MB21D2: variants seen among roughly 807,000 people sequenced by gnomAD.
The protein encoded by MB21D2 is Mab-21 domain containing 2.
In MB21D2, 9 loss-of-function variants were observed where a neutral mutation model predicts 33.3. The observed-to-expected ratio is 0.27, with a 90% CI of 0.16 to 0.47. The LOEUF (loss-of-function observed/expected upper bound fraction) is 0.47, where lower values mean the gene tolerates loss of function less well. Ranked by LOEUF, MB21D2 falls within the 20% of genes least tolerant of loss-of-function variation. The pLI, the probability that MB21D2 is intolerant of heterozygous loss-of-function variation, is 0.99. For synonymous variants in MB21D2, 241 were observed against 236.3 expected (o/e 1.02, Z -0.18); for missense variants, 540 against 624.6 (o/e 0.86, Z 1.44).
chr3:192,887,591 T>C (rs1052356329), intron 1 of MB21D2, among the ~76,000 whole-genome samples: 1 of 152,092 alleles, frequency 6.6e-6, no homozygotes, highest in African/African-American at 2.4e-5. Flanking sequence ...GGGTAGAGGT[T>C]ACAGAAAAAA....
At chr3:192,873,890 C>T (rs1713373654) in intron 1 of MB21D2, among the ~76,000 whole-genome samples, 2 of 152,082 alleles carry the variant, frequency 1.3e-5, no homozygotes, top group South Asian at 2.1e-4. Context: ...TTAGTAGAGA[C>T]AGGGTTTCAC....
intron 1 of MB21D2, among the ~76,000 whole-genome samples, chr3:192,904,333 G>T (rs892971363): frequency 6.6e-6 from 1 of 152,138 alleles, no homozygotes; most frequent in Non-Finnish European, 1.5e-5. Context: ...GGCTGCAAAA[G>T]AACTTTCCTG....
At position 192,884,196 on chromosome 3, in the gene MB21D2, T is replaced by A. The variant is rs140007868; in HGVS notation, c.211+33434A>T. On this transcript the variant is annotated intron_variant, in intron 1 of 1. Transcript: ENST00000392452. ...ACTGCATTTTCCTGCATTTCCTTCATTACTATTGTTTACATTCTAAACCTA... is the reference window on the plus strand; with the variant it reads ...ACTGCATTTTCCTGCATTTCCTTCAATACTATTGTTTACATTCTAAACCTA... Among the ~76,000 whole-genome samples, 14 of 152,250 alleles carry A rather than the reference T, an allele frequency of 9.2e-5. 1 individual carries two copies. In the East Asian group the frequency reaches 2.7e-3, roughly 29 times the overall value.
chr3:192,889,333 C>T (rs1713801832), intron 1 of MB21D2, among the ~76,000 whole-genome samples: 1 of 151,970 alleles, frequency 6.6e-6, no homozygotes, highest in Non-Finnish European at 1.5e-5. Context: ...TGAGAACAGA[C>T]TGGTGAGTAG....
At chr3:192,899,835 G>GGCTGACTGAGCTCATGTGTGGTAGTGTT (rs1242665232) in intron 1 of MB21D2, among the ~76,000 whole-genome samples, 1 of 152,234 alleles carries the variant, frequency 6.6e-6, no homozygotes, top group Non-Finnish European at 1.5e-5. Context: ...GTGGTAGTGT[G>GGCTGACTGAGCTCATGTGTGGTAGTGTT]GCTGACTGAG....
intron 1 of MB21D2, among the ~76,000 whole-genome samples, chr3:192,808,658 A>G (rs529799892): frequency 6.6e-6 from 1 of 152,332 alleles, no homozygotes; most frequent in Non-Finnish European, 1.5e-5. Flanking sequence ...GTGGCTGCCC[A>G]TCCCAAGAAC....
At chr3:192,802,379 T>C (rs1577165913) in intron 1 of MB21D2, among the ~76,000 whole-genome samples, 1 of 152,086 alleles carries the variant, frequency 6.6e-6, no homozygotes, top group African/African-American at 2.4e-5. Flanking sequence ...TAACTCCATT[T>C]CAGAGGCTGC....
Position 192,917,614 on chromosome 3 carries a change from CCT to C in MB21D2, c.211+14_211+15del, listed in dbSNP as rs1491168093. 12 of 1,613,362 alleles carry C rather than the reference CCT, an allele frequency of 7.4e-6. No individual in the cohort carries two copies. The highest frequency in any genetic ancestry group is 1.0e-5 in the Non-Finnish European group (12 of 1,179,554). ...ACACACACACGCACACACACCTCCC[CCT>C]TTTTCCTCCTTACCCAGCATGGAAA... On this transcript the variant is annotated intron_variant, in intron 1 of 1. Coordinates refer to ENST00000392452, the MANE Select transcript of MB21D2 (RefSeq NM_178496.4).
intron 1 of MB21D2, among the ~76,000 whole-genome samples, chr3:192,868,545 C>T (rs1713218096): frequency 6.6e-6 from 1 of 151,994 alleles, no homozygotes; most frequent in African/African-American, 2.4e-5. Flanking sequence ...TGCTGACACC[C>T]CTGCTACTTA....
intron 1 of MB21D2, among the ~76,000 whole-genome samples, chr3:192,871,941 T>C (rs1346162379): frequency 1.3e-5 from 2 of 152,146 alleles, no homozygotes; most frequent in Non-Finnish European, 2.9e-5. Context: ...CATCACGTGG[T>C]GCTGAAACAG....
chr3:192,827,623 A>C (rs1012372858), intron 1 of MB21D2, among the ~76,000 whole-genome samples: 4 of 152,136 alleles, frequency 2.6e-5, no homozygotes, highest in African/African-American at 9.7e-5. Context: ...GGTGGAAAGT[A>C]GAGTCAGAAA....
intron 1 of MB21D2, among the ~76,000 whole-genome samples, chr3:192,800,721 C>G (rs1317540337): frequency 6.6e-6 from 1 of 152,152 alleles, no homozygotes; most frequent in Non-Finnish European, 1.5e-5. Context: ...AAAGCACTCA[C>G]GTAACTGAGT....
intron 1 of MB21D2, among the ~76,000 whole-genome samples, chr3:192,912,489 A>T (rs759125271): frequency 5.9e-5 from 9 of 152,092 alleles, no homozygotes; most frequent in Non-Finnish European, 1.2e-4. Context: ...GGCCAACAAC[A>T]TGGTGAAACC....
At chr3:192,826,404 G>A (rs772161638) in intron 1 of MB21D2, among the ~76,000 whole-genome samples, 8 of 152,120 alleles carry the variant, frequency 5.3e-5, no homozygotes, top group Non-Finnish European at 8.8e-5. Context: ...CACAGAGAAC[G>A]GGAATCAATT....
chr3:192,884,248 A>C (rs1462938805), intron 1 of MB21D2, among the ~76,000 whole-genome samples: 3 of 152,074 alleles, frequency 2.0e-5, no homozygotes, highest in Non-Finnish European at 4.4e-5. Flanking sequence ...CCACCATTCA[A>C]ACATTGTAAA....
At chr3:192,853,206 A>G (rs1193831338) in intron 1 of MB21D2, among the ~76,000 whole-genome samples, 1 of 152,070 alleles carries the variant, frequency 6.6e-6, no homozygotes, top group African/African-American at 2.4e-5. Flanking sequence ...CACACCCACC[A>G]ACCACATCAC....
chr3:192,850,208 G>A (rs568329240), intron 1 of MB21D2, among the ~76,000 whole-genome samples: 5 of 152,188 alleles, frequency 3.3e-5, no homozygotes, highest in Admixed American at 6.5e-5. Context: ...ATGAGCCACC[G>A]CGCCCGGCCC....
intron 1 of MB21D2, among the ~76,000 whole-genome samples, chr3:192,856,346 T>C (rs1712915321): frequency 6.6e-6 from 1 of 152,204 alleles, no homozygotes; most frequent in Non-Finnish European, 1.5e-5. Context: ...ATCACTTCAC[T>C]ACTCTAAATC....
chr3:192,848,651 A>G (rs1036281775), intron 1 of MB21D2, among the ~76,000 whole-genome samples: 2 of 152,244 alleles, frequency 1.3e-5, no homozygotes, highest in Non-Finnish European at 2.9e-5. Flanking sequence ...AATGAAGTAA[A>G]CCAACCCGTC....
Sources: allele counts gnomAD v4.1 joint callset (sites outside exome capture counted in the v4.1 genomes callset), GRCh38; gene constraint gnomAD v4.1.1; transcripts MANE v1.5; gene names NCBI Gene and HGNC (gene_info 2026-07-23, HGNC 2026-07-21).